RBBP7: variants seen among roughly 807,000 people sequenced by gnomAD.
The protein encoded by RBBP7 is RB binding protein 7, chromatin remodeling factor, also known as histone-binding protein RBBP7.
Under a neutral mutation model 35.2 loss-of-function variants are expected in RBBP7, and 5 were observed. The observed-to-expected ratio is 0.14, with a 90% CI of 0.07 to 0.30. The LOEUF is 0.30. Among genes scored for constraint, RBBP7 ranks in the 10% least tolerant of loss-of-function variants. RBBP7 has a pLI of 1.00. For synonymous variants in RBBP7, 140 were observed against 118.7 expected, an observed-to-expected ratio of 1.18 and a Z score of -1.17; for missense variants, 155 against 327.5, an observed-to-expected ratio of 0.47 and a Z score of 4.07.
chrX:16,857,479 C>T, intron 5 of RBBP7, 115 bp downstream of exon 5: 2 of 1,087,178 alleles, frequency 1.8e-6, no homozygotes, highest in South Asian at 2.2e-5. Flanking sequence ...AATGTTACCA[C>T]AATAATCAGC....
Position 16,863,091 on chromosome X carries a change from T to C in RBBP7, c.171A>G (p.Gly57=), listed in dbSNP as rs1484509100. The C allele has an allele frequency of 8.3e-7, 1 of 1,208,000 alleles. No individual in the cohort carries two copies. Among genetic ancestry groups the C allele is most frequent in the Non-Finnish European group, 1.1e-6 (1 of 893,159 alleles). Residue 57 remains glycine, a synonymous_variant, in exon 3 of 12, where the codon GGA becomes GGG. Transcript: ENST00000380087. ...CTAGCCAATGAAGGGCATAATCTTTTCCTTCAGGTCTGTTTAAGAAAGAAA... is the reference window on the plus strand; with the variant it reads ...CTAGCCAATGAAGGGCATAATCTTTCCCTTCAGGTCTGTTTAAGAAAGAAA... ...QWLPEVTKPE[G]KDYALHWLVL...
chrX:16,868,267 A>G (rs1011729605), intron 2 of RBBP7, among the ~76,000 whole-genome samples: 2 of 111,787 alleles, frequency 1.8e-5, no homozygotes, highest in Non-Finnish European at 3.8e-5. Flanking sequence ...ATACACTTTA[A>G]AAGTACATGG....
At chrX:16,863,335 C>T (rs1464206899) in intron 2 of RBBP7, among the ~76,000 whole-genome samples, 1 of 111,789 alleles carries the variant, frequency 8.9e-6, no homozygotes, top group Non-Finnish European at 1.9e-5. Flanking sequence ...AAAGAGCCAT[C>T]CTCCTGTGCC....
chrX:16,869,770 G>C (rs775816249), intron 1 of RBBP7: 3 of 946,766 alleles, frequency 3.2e-6, no homozygotes, highest in Admixed American at 6.0e-5. Flanking sequence ...CCGGGGCCGA[G>C]GGCGCCGGAG....
At position 16,853,831 on chromosome X, in the gene RBBP7, C is replaced by A; in HGVS notation, c.609G>T (p.Leu203=). The part of the protein sequence containing the change: ...LSASDDHTVC[L]WDINAGPKEG... Reference sequence around the variant, plus strand: ...CTTTTGGTCCTGCGTTTATATCCCACAGACAAACAGTCTAAGAGAGAAGGA... The same window carrying A: ...CTTTTGGTCCTGCGTTTATATCCCAAAGACAAACAGTCTAAGAGAGAAGGA... Residue 203 remains leucine, a synonymous_variant, in exon 6 of 12, where the codon CTG becomes CTT. Coordinates refer to ENST00000380087, the MANE Select transcript of RBBP7 (RefSeq NM_002893.4). 8.8e-7 allele frequency: 1 copy of A among 1,142,313 alleles called. No homozygotes were observed. Among genetic ancestry groups the A allele is most frequent in the Non-Finnish European group, 1.2e-6 (1 of 863,389 alleles). 94.1% of individuals were successfully genotyped at this position (1,142,313 alleles called of 1,213,427 possible). A position where few individuals can be genotyped will look rare whatever the true frequency, so the allele number is the denominator to read the frequency against.
At position 16,845,882 on chromosome X, in the gene RBBP7, C is replaced by T. The variant is rs771919719; in HGVS notation, c.1155G>A (p.Glu385=). The T allele has an allele frequency of 2.3e-5, 28 of 1,210,066 alleles. 1 individual carries two copies. In the African/African-American group the frequency reaches 4.2e-4, roughly 18 times the overall value. ...KISDFSWNPN[E]PWVICSVSED... ...CAGACACTGAGCAAATGACCCAAGGCTCATTGGGGTTCCAGCTAAAATCTG... is the reference window on the plus strand; with the variant it reads ...CAGACACTGAGCAAATGACCCAAGGTTCATTGGGGTTCCAGCTAAAATCTG... Residue 385 remains glutamate, a synonymous_variant, in exon 11 of 12, where the codon GAG becomes GAA. Coordinates refer to ENST00000380087, the MANE Select transcript of RBBP7 (RefSeq NM_002893.4).
intron 11 of RBBP7, 118 bp downstream of exon 11, chrX:16,845,710 T>C: frequency 9.4e-7 from 1 of 1,067,436 alleles, no homozygotes; most frequent in Non-Finnish European, 1.2e-6. Flanking sequence ...TTTTAAACGG[T>C]TTCTGTAAAT....
At chrX:16,863,811 T>A (rs1184588679) in intron 2 of RBBP7, among the ~76,000 whole-genome samples, 1 of 111,912 alleles carries the variant, frequency 8.9e-6, no homozygotes, top group Admixed American at 9.5e-5. Flanking sequence ...CTGAAGAACT[T>A]GCCCAAACCT....
chrX:16,848,737 G>C (rs922842829), intron 10 of RBBP7: 1 of 111,745 alleles, frequency 8.9e-6, no homozygotes, highest in Admixed American at 9.5e-5. Flanking sequence ...CAGACGGGAA[G>C]AATGAGGATG....
intron 9 of RBBP7, among the ~76,000 whole-genome samples, chrX:16,851,470 T>A (rs1930212096): frequency 8.9e-6 from 1 of 112,254 alleles, no homozygotes; most frequent in Non-Finnish European, 1.9e-5. Flanking sequence ...TCTAAAATTC[T>A]TAGAACAGCA....
At chrX:16,849,372 T>G (rs1235238108) in intron 9 of RBBP7, 71 bp from the exon 10 acceptor site, 1 of 939,149 alleles carries the variant, frequency 1.1e-6, no homozygotes, top group Non-Finnish European at 1.5e-6. Flanking sequence ...TAAACCAGTA[T>G]CAGCCCAGAA....
intron 2 of RBBP7, among the ~76,000 whole-genome samples, chrX:16,868,328 C>G (rs1930677075): frequency 8.9e-6 from 1 of 112,319 alleles, no homozygotes; most frequent in Non-Finnish European, 1.9e-5. Flanking sequence ...CAGTCTAATG[C>G]AGGGACCAGC....
At chrX:16,848,019 C>T (rs1930124386) in intron 10 of RBBP7, 1 of 112,038 alleles carries the variant, frequency 8.9e-6, no homozygotes, top group African/African-American at 3.2e-5. Context: ...AGCTGGAGAC[C>T]TTGAAAACAT....
Position 16,869,571 on chromosome X carries a change from C to T in RBBP7, c.17-351G>A. ...AGACAAATGCACGTGTAGCAGAAGC[C>T]CACAGGCCTGGTCTCTCCAATCCCC... On this transcript the variant is annotated intron_variant, in intron 1 of 11. Coordinates refer to ENST00000380087, the MANE Select transcript of RBBP7 (RefSeq NM_002893.4). 2.6e-6 allele frequency: 3 copies of T among 1,166,857 alleles called. No homozygotes were observed. The South Asian group carries it at 5.7e-5, about 22-fold the overall frequency.
rs1349476258 is a variant in RBBP7 at position 16,851,256 on chromosome X, A to T, written c.1040+790T>A. 2.7e-5 allele frequency among the ~76,000 whole-genome samples: 3 copies of T among 111,962 alleles called. No individual in the cohort carries two copies. The East Asian group carries it at 8.3e-4, about 31-fold the overall frequency. The stretch of plus-strand genomic sequence containing the variant: ...TCCTAAAAATTCCAAAACCCCAAAC[A>T]CTTCTTATTCCAAGTATTTTGGATA... On this transcript the variant is annotated intron_variant, in intron 9 of 11. Coordinates refer to ENST00000380087, the MANE Select transcript of RBBP7 (RefSeq NM_002893.4).
intron 5 of RBBP7, 50 bp from the exon 6 acceptor site, chrX:16,853,892 A>AT (rs11305571): frequency 0.017 from 12,474 of 745,579 alleles, 2 homozygotes; most frequent in Non-Finnish European, 0.019. Flanking sequence ...TAAGAGACTG[A>AT]TTTTTTTTTT....
chrX:16,853,284 C>T (rs888308806), intron 6 of RBBP7: 2 of 163,941 alleles, frequency 1.2e-5, no homozygotes, highest in Admixed American at 7.3e-5. Context: ...AATCATTTTC[C>T]TCCTCGACCT....
chrX:16,869,830 G>T, intron 1 of RBBP7: 1 of 889,306 alleles, frequency 1.1e-6, no homozygotes, highest in Non-Finnish European at 1.4e-6. Context: ...CCAGCCCTCG[G>T]CCCCGCGCCC....
chrX:16,869,572 C>T, intron 1 of RBBP7: 1 of 1,166,861 alleles, frequency 8.6e-7, no homozygotes, highest in Non-Finnish European at 1.1e-6. Context: ...AGCAGAAGCC[C>T]ACAGGCCTGG....
Sources: gnomAD v4.1 joint callset for allele counts (sites outside exome capture counted in the v4.1 genomes callset) on GRCh38, gnomAD v4.1.1 for gene constraint, MANE v1.5 for transcripts, NCBI Gene and HGNC (gene_info 2026-07-23, HGNC 2026-07-21) for gene names.